The following PODXL2 variants were observed in gnomAD, a reference collection of about 807,000 sequenced individuals.
PODXL2 encodes podocalyxin-like protein 2.
In PODXL2, 17 loss-of-function variants were observed where a neutral mutation model predicts 53.4. That is an observed-to-expected ratio of 0.32 (90% CI 0.22 to 0.48). The LOEUF is 0.48. Ranked by LOEUF, PODXL2 falls within the 20% of genes least tolerant of loss-of-function variation. PODXL2 has a pLI of 0.99. For missense variants in PODXL2, 673 were observed against 760.0 expected (o/e 0.89, Z 1.35); for synonymous variants, 311 against 306.7 (o/e 1.01, Z -0.15).
chr3:127,630,317 G>A (rs2074535515), intron 1 of PODXL2, among the ~76,000 whole-genome samples: 1 of 152,224 alleles, frequency 6.6e-6, no homozygotes, highest in Non-Finnish European at 1.5e-5. Flanking sequence ...GGAATACCCG[G>A]ATGAGGAAGT....
intron 2 of PODXL2, among the ~76,000 whole-genome samples, chr3:127,642,624 C>T (rs2074628293): frequency 6.6e-6 from 1 of 151,912 alleles, no homozygotes; most frequent in African/African-American, 2.4e-5. Flanking sequence ...TCTCTCTTTC[C>T]CTTGTCAGTT....
At chr3:127,640,190 T>C (rs1252412286) in intron 2 of PODXL2, among the ~76,000 whole-genome samples, 1 of 152,246 alleles carries the variant, frequency 6.6e-6, no homozygotes, top group Non-Finnish European at 1.5e-5. Flanking sequence ...GATGCAGGCA[T>C]GGCCCCTCCA....
At chr3:127,649,733 TCGAGA>T (rs1304349806) in intron 2 of PODXL2, among the ~76,000 whole-genome samples, 1 of 152,190 alleles carries the variant, frequency 6.6e-6, no homozygotes, top group African/African-American at 2.4e-5. Flanking sequence ...GGTGAGGAGT[TCGAGA>T]CCAGCCTGGC....
intron 6 of PODXL2, among the ~76,000 whole-genome samples, chr3:127,671,007 C>G (rs1171361038): frequency 6.6e-6 from 1 of 152,210 alleles, no homozygotes; most frequent in Admixed American, 6.5e-5. Context: ...CACCCCTCCC[C>G]ACCGAGGTGG....
At chr3:127,653,293 C>T (rs1469377678) in intron 2 of PODXL2, among the ~76,000 whole-genome samples, 1 of 152,230 alleles carries the variant, frequency 6.6e-6, no homozygotes, top group African/African-American at 2.4e-5. Flanking sequence ...TGCCCTGTCC[C>T]TTGCCATGTT....
intron 2 of PODXL2, among the ~76,000 whole-genome samples, chr3:127,648,601 T>C (rs2074669719): frequency 6.6e-6 from 1 of 151,922 alleles, no homozygotes; most frequent in Admixed American, 6.6e-5. Flanking sequence ...ATGTTAACGT[T>C]TTGGACTATC....
intron 2 of PODXL2, among the ~76,000 whole-genome samples, chr3:127,656,868 G>T (rs2074728150): frequency 6.6e-6 from 1 of 151,710 alleles, no homozygotes; most frequent in African/African-American, 2.4e-5. Flanking sequence ...AGTGTAGAGA[G>T]ACCCTGTCTC....
At position 127,629,204 on chromosome 3, in the gene PODXL2, C is replaced by G. The variant is rs987856752; in HGVS notation, c.-16C>G. ...GGCGCCGCGCCGCTGCGGCTGCAGG[C>G]GGCGACGGCTACACCATGGGCCGGC... On this transcript the variant is annotated 5_prime_UTR_variant, in exon 1 of 8. Coordinates refer to ENST00000342480, the MANE Select transcript of PODXL2 (RefSeq NM_015720.4). The surrounding 1 kb of genome is among the most constrained non-coding windows in gnomAD (Gnocchi z 6.4). 6.1e-6 allele frequency: 6 copies of G among 985,222 alleles called. No individual in the cohort carries two copies. The highest frequency in any genetic ancestry group is 1.1e-4 in the East Asian group (1 of 8,848). The allele number at this position is 985,222 out of a possible 1,614,324, so 61.0% of individuals were successfully genotyped here.
chr3:127,632,642 T>A (rs2074554111), intron 1 of PODXL2, among the ~76,000 whole-genome samples: 1 of 152,240 alleles, frequency 6.6e-6, no homozygotes, highest in Admixed American at 6.5e-5. Flanking sequence ...TTCTTGTATT[T>A]TGGCTCCCTG....
chr3:127,641,225 T>G (rs2107705223), intron 2 of PODXL2, among the ~76,000 whole-genome samples: 1 of 152,058 alleles, frequency 6.6e-6, no homozygotes, highest in Non-Finnish European at 1.5e-5. Flanking sequence ...ATGTTATTAT[T>G]TATTTATTTA....
rs1370557869 is a variant in PODXL2, at chr3:127,660,740, A to G, written c.712A>G (p.Ser238Gly). Residue 238 changes from serine (S) to glycine (G), a missense_variant, in exon 3 of 8, where the codon AGC becomes GGC. Around this residue, in one of 3 missense-constraint regions of PODXL2, gnomAD observed 588 missense variants for 668.3 expected, o/e 0.88. Coordinates refer to ENST00000342480, the MANE Select transcript of PODXL2 (RefSeq NM_015720.4). The part of the protein sequence containing the change: ...QASSGVEVES[S>G]MGPSLLLPSV... ...CTCATCAGGTGTGGAGGTGGAGAGC[A>G]GCATGGGGCCCAGCTTGCTGCTGCC... 1.9e-6 allele frequency: 3 copies of G among 1,614,080 alleles called. No individual in the cohort carries two copies. The highest frequency in any genetic ancestry group is 2.7e-5 in the African/African-American group (2 of 74,932).
Position 127,672,261 on chromosome 3 carries a change from G to C in PODXL2, c.1606-7G>C, listed in dbSNP as rs1308346378. The C allele has an allele frequency of 6.5e-7, 1 of 1,541,200 alleles. No individual in the cohort carries two copies. The highest frequency in any genetic ancestry group is 2.0e-5 in the Admixed American group (1 of 51,010). On this transcript the variant is annotated splice_polypyrimidine_tract_variant and splice_region_variant and intron_variant, in intron 7 of 7. Transcript: ENST00000342480. ...CTCGCCCATGGCCTCTCCCCACCCC[G>C]CCTCAGTCGCACGGCGAGGAGCTGC...
At chr3:127,639,941 C>T (rs943790660) in intron 2 of PODXL2, among the ~76,000 whole-genome samples, 3 of 152,196 alleles carry the variant, frequency 2.0e-5, no homozygotes, top group African/African-American at 7.2e-5. Context: ...TTGTTTTTCC[C>T]TACTGCTCTA....
At chr3:127,671,343 C>T in intron 6 of PODXL2, 91 bp from the exon 7 acceptor site, 4 of 1,172,002 alleles carry the variant, frequency 3.4e-6, no homozygotes, top group South Asian at 1.4e-5. Context: ...AGCCTGCTCC[C>T]CCATCCCCAC....
At chr3:127,655,297 T>G (rs887565295) in intron 2 of PODXL2, among the ~76,000 whole-genome samples, 1 of 151,978 alleles carries the variant, frequency 6.6e-6, no homozygotes, top group African/African-American at 2.4e-5. Flanking sequence ...TCTCAGCTTC[T>G]CTAGAGGCTG....
intron 5 of PODXL2, 111 bp from the exon 6 acceptor site, chr3:127,669,030 A>T (rs1283940943): frequency 3.0e-6 from 2 of 657,586 alleles, no homozygotes; most frequent in Non-Finnish European, 5.3e-6. Context: ...AATTTGAGCC[A>T]GGAAGGGAGA....
chr3:127,640,515 A>G (rs1189062563), intron 2 of PODXL2, among the ~76,000 whole-genome samples: 1 of 152,128 alleles, frequency 6.6e-6, no homozygotes, highest in Non-Finnish European at 1.5e-5. Context: ...AGCCTGGCCA[A>G]CATGGTGAAA....
At chr3:127,630,058 TGAGA>T (rs1231548067) in intron 1 of PODXL2, among the ~76,000 whole-genome samples, 1 of 151,864 alleles carries the variant, frequency 6.6e-6, no homozygotes, top group African/African-American at 2.4e-5. Context: ...TGTGTCTGCC[TGAGA>T]GAGAAAGAGA....
At chr3:127,655,489 C>T (rs1310870208) in intron 2 of PODXL2, among the ~76,000 whole-genome samples, 2 of 152,144 alleles carry the variant, frequency 1.3e-5, no homozygotes, top group Non-Finnish European at 1.5e-5. Context: ...AGTGTTTACT[C>T]TGCACTGCGG....
Sources: gnomAD v4.1 joint callset for allele counts (sites outside exome capture counted in the v4.1 genomes callset) on GRCh38, gnomAD v4.1.1 for gene constraint, gnomAD v4.1.1 regional missense constraint, Gnocchi (gnomAD v3.1) non-coding constraint, MANE v1.5 for transcripts, NCBI Gene and HGNC (gene_info 2026-07-23, HGNC 2026-07-21) for gene names.